GRIA4: variants seen among roughly 807,000 people sequenced by gnomAD.
The protein encoded by GRIA4 is glutamate ionotropic receptor AMPA type subunit 4, also known as glutamate receptor 4.
GRIA4 carries 34 observed loss-of-function variants against 104.0 expected under a neutral mutation model. The observed-to-expected ratio is 0.33, with a 90% CI of 0.25 to 0.44. The LOEUF (loss-of-function observed/expected upper bound fraction) is 0.44, where lower values mean the gene tolerates loss of function less well. Among genes scored for constraint, GRIA4 ranks in the 20% least tolerant of loss-of-function variants. The pLI is 1.00. For missense variants in GRIA4, 750 were observed against 1,096.5 expected, an observed-to-expected ratio of 0.68 and a Z score of 4.46; for synonymous variants, 386 against 381.9, an observed-to-expected ratio of 1.01 and a Z score of -0.13.
At chr11:105,656,347 T>C (rs1468462166) in intron 3 of GRIA4, among the ~76,000 whole-genome samples, 1 of 152,084 alleles carries the variant, frequency 6.6e-6, no homozygotes, top group Non-Finnish European at 1.5e-5. Context: ...GACCCCTCCC[T>C]TACACCTTAT....
Position 105,612,259 on chromosome 11 carries a change from C to T in GRIA4, c.89-17C>T, listed in dbSNP as rs564247210. The stretch of plus-strand genomic sequence containing the variant: ...AAGAGGAAACAGTGAATGTGCTTTT[C>T]CTGCTGTTTTTAATAGGTGGTCTCT... On this transcript the variant is annotated splice_polypyrimidine_tract_variant and intron_variant, in intron 2 of 16. Coordinates refer to ENST00000282499, the MANE Select transcript of GRIA4 (RefSeq NM_000829.4). 13 of 1,612,714 alleles carry T rather than the reference C, an allele frequency of 8.1e-6. No homozygotes were observed. Among genetic ancestry groups the T allele is most frequent in the Non-Finnish European group, 1.1e-5 (13 of 1,178,940 alleles).
At chr11:105,636,136 A>C (rs1371173157) in intron 3 of GRIA4, among the ~76,000 whole-genome samples, 1 of 152,216 alleles carries the variant, frequency 6.6e-6, no homozygotes, top group Non-Finnish European at 1.5e-5. Context: ...ATACAAAAAG[A>C]GTAAAAGACA....
intron 5 of GRIA4, among the ~76,000 whole-genome samples, chr11:105,881,842 C>A (rs1270479130): frequency 6.6e-6 from 1 of 151,984 alleles, no homozygotes; most frequent in African/African-American, 2.4e-5. Context: ...TCATCTCACA[C>A]AAAACAGCCT....
At chr11:105,640,703 T>C (rs1388930709) in intron 3 of GRIA4, among the ~76,000 whole-genome samples, 1 of 152,036 alleles carries the variant, frequency 6.6e-6, no homozygotes, top group East Asian at 1.9e-4. Flanking sequence ...TTAAAGGTTC[T>C]TGACATTTAC....
rs1362259152 is a variant in GRIA4, at chr11:105,981,437, A to G, written c.*1698A>G. 2 of 152,596 alleles carry G rather than the reference A, an allele frequency of 1.3e-5. No individual in the cohort carries two copies. The highest frequency in any genetic ancestry group is 6.5e-5 in the Admixed American group (1 of 15,272). The allele number at this position is 152,596 out of a possible 1,614,324, so 9.5% of individuals were successfully genotyped here. A position where few individuals can be genotyped will look rare whatever the true frequency, so the allele number is the denominator to read the frequency against. ...GATGGGCTACTGAGAGTACAGGGAT[A>G]TTATGGAAGATAAAGTTGGAAAAGC... On this transcript the variant is annotated 3_prime_UTR_variant, in exon 17 of 17. Coordinates refer to ENST00000282499, the MANE Select transcript of GRIA4 (RefSeq NM_000829.4).
intron 14 of GRIA4, among the ~76,000 whole-genome samples, chr11:105,943,383 G>T (rs1396443602): frequency 1.3e-5 from 2 of 151,956 alleles, no homozygotes; most frequent in East Asian, 1.9e-4. Context: ...GAATAAAACA[G>T]CAAAAGTGAA....
In GRIA4 at chr11:105,926,791, T is replaced by A; in HGVS notation, c.1898T>A (p.Ile633Asn). 1 of 1,610,920 alleles carries A rather than the reference T, an allele frequency of 6.2e-7. No homozygotes were observed. The highest frequency in any genetic ancestry group is 2.2e-5 in the East Asian group (1 of 44,836). ...GGTGTTTGGTGGTTCTTTACACTCA[T>A]CATTATATCATCTTATACTGCTAAC... ...VGGVWWFFTLIIISSYTANLA... is the reference protein window; with the variant it reads ...VGGVWWFFTLNIISSYTANLA... The change falls in exon 13 of 17, where the codon ATC becomes AAC. Residue 633 changes from isoleucine (I) to asparagine (N), a missense_variant. Coordinates refer to ENST00000282499, the MANE Select transcript of GRIA4 (RefSeq NM_000829.4).
chr11:105,916,982 A>C (rs1947424399), intron 10 of GRIA4, among the ~76,000 whole-genome samples: 1 of 152,214 alleles, frequency 6.6e-6, no homozygotes, highest in Non-Finnish European at 1.5e-5. Flanking sequence ...TATAAGAATT[A>C]GCTCCTAATA....
intron 13 of GRIA4, among the ~76,000 whole-genome samples, chr11:105,931,702 C>CT (rs893665483): frequency 6.6e-6 from 1 of 151,944 alleles, no homozygotes; most frequent in South Asian, 2.1e-4. Flanking sequence ...AAGACTCCAT[C>CT]TGCCCCCTCA....
chr11:105,775,890 TAC>T (rs895175229), intron 4 of GRIA4, among the ~76,000 whole-genome samples: 8 of 151,990 alleles, frequency 5.3e-5, no homozygotes, highest in Non-Finnish European at 1.0e-4. Flanking sequence ...AATTTTGTAA[TAC>T]AGACTAAAAC....
chr11:105,688,156 C>CTATATCTATATCTCTATCTATCTA (rs373564678), intron 3 of GRIA4, among the ~76,000 whole-genome samples: 67 of 72,686 alleles, frequency 9.2e-4, no homozygotes, highest in Middle Eastern at 6.7e-3. Context: ...ATATCTATAT[C>CTATATCTATATCTCTATCTATCTA]TCTATCTATC....
chr11:105,698,500 C>T, intron 3 of GRIA4, among the ~76,000 whole-genome samples: 1 of 152,150 alleles, frequency 6.6e-6, no homozygotes, highest in Non-Finnish European at 1.5e-5. Flanking sequence ...TTCATTGGCA[C>T]TCGGAGTTGA....
intron 9 of GRIA4, among the ~76,000 whole-genome samples, chr11:105,907,501 G>A (rs1486847106): frequency 6.6e-6 from 1 of 152,152 alleles, no homozygotes; most frequent in Non-Finnish European, 1.5e-5. Context: ...ACAGATCAGA[G>A]AGTCAACCCA....
chr11:105,954,437 T>G (rs1168032538), intron 14 of GRIA4, among the ~76,000 whole-genome samples: 1 of 152,194 alleles, frequency 6.6e-6, no homozygotes, highest in African/African-American at 2.4e-5. Flanking sequence ...CAGAAAATTT[T>G]GGGTGTGTGG....
chr11:105,854,088 C>T (rs997340983), intron 4 of GRIA4, among the ~76,000 whole-genome samples: 20 of 152,112 alleles, frequency 1.3e-4, no homozygotes, highest in Non-Finnish European at 1.8e-4. Context: ...AAGTCTTCTT[C>T]TAGGCACAGT....
At chr11:105,895,696 T>C (rs72976031) in intron 6 of GRIA4, among the ~76,000 whole-genome samples, 13,103 of 152,034 alleles carry the variant, frequency 0.086, 768 homozygotes, top group Admixed American at 0.18. Flanking sequence ...GATTACTACC[T>C]CTAGGCAAGA....
rs1472694234 is a variant in GRIA4, at chr11:105,933,739, G to T, written c.2064G>T (p.Val688=). ...KEFFRRSKIA[V]YEKMWTYMRS... is the part of the protein sequence containing the mutation. ...TCCTCCAGAGATCAAAAATAGCAGT[G>T]TATGAAAAGATGTGGACCTACATGC... Residue 688 remains valine, a synonymous_variant, in exon 14 of 17, where the codon GTG becomes GTT. Transcript: ENST00000282499. 1 of 1,595,630 alleles carries T rather than the reference G, an allele frequency of 6.3e-7. No homozygotes were observed. The highest frequency in any genetic ancestry group is 8.6e-7 in the Non-Finnish European group (1 of 1,168,108).
At position 105,733,377 on chromosome 11, in the gene GRIA4, A is replaced by G. The variant is rs562651503; in HGVS notation, c.248-19604A>G. 3.9e-5 allele frequency among the ~76,000 whole-genome samples: 6 copies of G among 152,256 alleles called. No homozygotes were observed. The South Asian group carries it at 1.2e-3, about 32-fold the overall frequency. ...TTAATAGACTTCTACATAATATGGA[A>G]TTGTTGGGAGATTTTTGTATCTTTA... On this transcript the variant is annotated intron_variant, in intron 3 of 16. Coordinates refer to ENST00000282499, the MANE Select transcript of GRIA4 (RefSeq NM_000829.4).
intron 3 of GRIA4, among the ~76,000 whole-genome samples, chr11:105,632,881 T>A (rs1951071513): frequency 1.3e-5 from 2 of 152,182 alleles, no homozygotes; most frequent in South Asian, 4.1e-4. Flanking sequence ...GAAATAATAA[T>A]TTGTATCATT....
Sources: allele counts gnomAD v4.1 joint callset (sites outside exome capture counted in the v4.1 genomes callset), GRCh38; gene constraint gnomAD v4.1.1; transcripts MANE v1.5; gene names NCBI Gene and HGNC (gene_info 2026-07-23, HGNC 2026-07-21).